Variants in EVA1C observed in about 807,000 individuals in gnomAD.
EVA1C encodes the protein eva-1 homolog C.
In EVA1C, 25 loss-of-function variants were observed where a neutral mutation model predicts 45.4. The ratio of observed to expected loss-of-function variants is 0.55; its 90% confidence interval spans 0.40 to 0.77. The LOEUF (loss-of-function observed/expected upper bound fraction) is 0.77, where lower values mean the gene tolerates loss of function less well. EVA1C is among the 30% of genes least tolerant of loss of function. The probability of loss-of-function intolerance (pLI) is 0.00; values close to 1 mark genes in which losing one functional copy is unlikely to be tolerated. For synonymous variants in EVA1C, 190 were observed against 221.2 expected, an observed-to-expected ratio of 0.86 and a Z score of 1.25; for missense variants, 479 against 554.8, an observed-to-expected ratio of 0.86 and a Z score of 1.37.
At chr21:32,427,645 G>A (rs1401123001) in intron 1 of EVA1C, among the ~76,000 whole-genome samples, 7 of 151,608 alleles carry the variant, frequency 4.6e-5, no homozygotes, top group South Asian at 2.1e-4. Flanking sequence ...CCTGGGAGGC[G>A]GAGGTTGCAG....
intron 2 of EVA1C, among the ~76,000 whole-genome samples, chr21:32,454,795 G>A (rs187232307): frequency 1.9e-4 from 29 of 151,618 alleles, no homozygotes; most frequent in Middle Eastern, 6.8e-3. Context: ...AACAGGAGAC[G>A]CAAACTAATG....
intron 1 of EVA1C, chr21:32,433,409 T>G (rs73903328): frequency 1.3e-3 from 178 of 138,358 alleles, no homozygotes; most frequent in East Asian, 5.2e-3. Flanking sequence ...CAATGAGCAG[T>G]GTTCCCCGTC....
intron 5 of EVA1C, chr21:32,497,234 T>G (rs569700471): frequency 1.3e-6 from 1 of 794,366 alleles, no homozygotes; most frequent in African/African-American, 1.7e-5. Context: ...GACTTTAATT[T>G]TGGCAAATGT....
intron 1 of EVA1C, among the ~76,000 whole-genome samples, chr21:32,426,372 A>G (rs2034487360): frequency 6.6e-6 from 1 of 152,090 alleles, no homozygotes; most frequent in South Asian, 2.1e-4. Flanking sequence ...GGGGGTGGAT[A>G]ATTTGATTTG....
chr21:32,503,887 C>A, intron 6 of EVA1C, 39 bp from the exon 7 acceptor site: 2 of 1,443,764 alleles, frequency 1.4e-6, no homozygotes, highest in Non-Finnish European at 1.9e-6. Context: ...GTACTATGAA[C>A]AGCTGTGATT....
chr21:32,448,697 A>G (rs2035452849), intron 1 of EVA1C, among the ~76,000 whole-genome samples: 1 of 152,090 alleles, frequency 6.6e-6, no homozygotes, highest in Admixed American at 6.6e-5. Flanking sequence ...TCACGAGGTC[A>G]GGAGTTTGAG....
At chr21:32,435,514 C>G (rs954580184) in intron 1 of EVA1C, among the ~76,000 whole-genome samples, 7 of 152,228 alleles carry the variant, frequency 4.6e-5, no homozygotes, top group African/African-American at 1.7e-4. Flanking sequence ...CTCAGCCCAT[C>G]CACAACAGAT....
At chr21:32,412,587 G>C (rs550804370), upstream of EVA1C, 6 of 367,784 alleles carry the variant, frequency 1.6e-5, no homozygotes, top group Non-Finnish European at 2.4e-5. Context: ...CCTCCGGCAC[G>C]GCGGCAACGG....
Position 32,487,357 on chromosome 21 carries a change from G to A in EVA1C, c.635-7670G>A, listed in dbSNP as rs931125190. 2.6e-5 allele frequency among the ~76,000 whole-genome samples: 4 copies of A among 152,130 alleles called. No individual in the cohort carries two copies. In the South Asian group the frequency reaches 8.3e-4, roughly 32 times the overall value. Reference sequence around the variant, plus strand: ...ACTTAATCAACCATGCCTATATCATGAGACCTCCATAAAAGCCCTCAACAA... The same window carrying A: ...ACTTAATCAACCATGCCTATATCATAAGACCTCCATAAAAGCCCTCAACAA... On this transcript the variant is annotated intron_variant, in intron 4 of 7. Transcript: ENST00000300255.
intron 1 of EVA1C, among the ~76,000 whole-genome samples, chr21:32,451,008 T>A (rs2035559543): frequency 6.6e-6 from 1 of 152,204 alleles, no homozygotes; most frequent in East Asian, 1.9e-4. Flanking sequence ...AGCTAACGTC[T>A]GGATGAACGT....
chr21:32,506,701 G>A lies in EVA1C; in HGVS notation c.949+2686G>A, dbSNP rs139870727. 8.5e-5 allele frequency among the ~76,000 whole-genome samples: 13 copies of A among 152,238 alleles called. No homozygotes were observed. The East Asian group carries it at 2.1e-3, about 25-fold the overall frequency. ...TGCAGTGCATGCTCAGGGGTCTGCA[G>A]GCCAGTGTGCCACAGAGGTGCATGT... On this transcript the variant is annotated intron_variant, in intron 7 of 7. Coordinates refer to ENST00000300255, the MANE Select transcript of EVA1C (RefSeq NM_058187.5).
chr21:32,486,394 G>A (rs950740474), intron 4 of EVA1C, among the ~76,000 whole-genome samples: 1 of 152,280 alleles, frequency 6.6e-6, no homozygotes, highest in East Asian at 1.9e-4. Context: ...CAAAGTGCTG[G>A]GATTACAGGC....
In EVA1C at chr21:32,473,971, G is replaced by A. The variant is rs140195959; in HGVS notation, c.634+6123G>A. On this transcript the variant is annotated intron_variant, in intron 4 of 7. Transcript: ENST00000300255. ...GGGCTCTGGCATTTTGGCTGTGGCC[G>A]TGAATGCAGTGAAGTATTCATCATA... 2.8e-3 allele frequency: 2,780 copies of A among 984,922 alleles called. 55 individuals carry two copies. The African/African-American group carries it at 0.039, about 14-fold the overall frequency. The allele number at this position is 984,922 out of a possible 1,614,324, so 61.0% of individuals were successfully genotyped here.
chr21:32,429,132 T>G (rs572269911), intron 1 of EVA1C, among the ~76,000 whole-genome samples: 4 of 151,418 alleles, frequency 2.6e-5, no homozygotes, highest in Non-Finnish European at 4.4e-5. Flanking sequence ...TAAGTGATTC[T>G]CCTTCACTTA....
intron 5 of EVA1C, among the ~76,000 whole-genome samples, chr21:32,499,200 A>T (rs1350629065): frequency 6.6e-6 from 1 of 152,242 alleles, no homozygotes; most frequent in African/African-American, 2.4e-5. Context: ...TAGTTTGAGA[A>T]CAAGCCAAGA....
rs1194817915 is a variant in EVA1C, at chr21:32,495,076, G to A, written c.684G>A (p.Gly228=). 3 of 1,614,170 alleles carry A rather than the reference G, an allele frequency of 1.9e-6. No homozygotes were observed. The highest frequency in any genetic ancestry group is 2.2e-5 in the East Asian group (1 of 44,866). ...ALQVLSRRCY[G]KQRCKIIVNN... Reference sequence around the variant, plus strand: ...AAGTCCTATCCCGAAGGTGCTATGGGAAGCAGAGATGCAAAATCATCGTCA... The same window carrying A: ...AAGTCCTATCCCGAAGGTGCTATGGAAAGCAGAGATGCAAAATCATCGTCA... Residue 228 remains glycine, a synonymous_variant, in exon 5 of 8, where the codon GGG becomes GGA. Coordinates refer to ENST00000300255, the MANE Select transcript of EVA1C (RefSeq NM_058187.5).
rs190351773 is a variant in EVA1C, at chr21:32,488,732, C to T, written c.635-6295C>T. Reference sequence around the variant, plus strand: ...TCCCTAGTAGCTGGGATTACAGGCACACGCCACCACACCTGGCTAATATTT... The same window carrying T: ...TCCCTAGTAGCTGGGATTACAGGCATACGCCACCACACCTGGCTAATATTT... On this transcript the variant is annotated intron_variant, in intron 4 of 7. Coordinates refer to ENST00000300255, the MANE Select transcript of EVA1C (RefSeq NM_058187.5). Among the ~76,000 whole-genome samples, 1,383 of 152,166 alleles carry T rather than the reference C, an allele frequency of 9.1e-3. 27 individuals carry two copies. Among genetic ancestry groups the T allele is most frequent in the African/African-American group, 0.032 (1,325 of 41,494 alleles).
chr21:32,493,823 G>A (rs1019693293), intron 4 of EVA1C: 1 of 146,440 alleles, frequency 6.8e-6, no homozygotes, highest in Non-Finnish European at 1.5e-5. Context: ...TATTTGAGAC[G>A]CAGTCTTGCT....
chr21:32,427,441 G>T (rs1050519272), intron 1 of EVA1C, among the ~76,000 whole-genome samples: 1 of 149,908 alleles, frequency 6.7e-6, no homozygotes. Flanking sequence ...GAGGCCGGGC[G>T]TGGTGGCTCA....
Sources: gnomAD v4.1 joint callset for allele counts (sites outside exome capture counted in the v4.1 genomes callset) on GRCh38, gnomAD v4.1.1 for gene constraint, MANE v1.5 for transcripts, NCBI Gene and HGNC (gene_info 2026-07-23, HGNC 2026-07-21) for gene names.